The following ABCB7 variants were observed in gnomAD, a reference collection of about 807,000 sequenced individuals.
ABCB7 encodes the protein ATP binding cassette subfamily B member 7, also known as iron-sulfur clusters transporter ABCB7, mitochondrial.
ABCB7 carries 7 observed loss-of-function variants against 54.4 expected under a neutral mutation model. The ratio of observed to expected loss-of-function variants is 0.13; its 90% CI spans 0.07 to 0.24. The LOEUF is 0.24. Among genes scored for constraint, ABCB7 ranks in the 10% least tolerant of loss-of-function variants. The pLI, the probability that ABCB7 is intolerant of heterozygous loss-of-function variation, is 1.00. For synonymous variants in ABCB7, 218 were observed against 207.1 expected (o/e 1.05, Z -0.45); for missense variants, 356 against 570.4 (o/e 0.62, Z 3.83).
rs545675006 is a variant in ABCB7, at chrX:75,141,096, T to C, written c.168+15009A>G. On this transcript the variant is annotated intron_variant, in intron 1 of 15. Transcript: ENST00000373394. ...TGTTGGCATTTTTTAATTTCATTTT[T>C]CTCTAAAAAAGATATCAATTCAGCA... 3.6e-5 allele frequency among the ~76,000 whole-genome samples: 4 copies of C among 111,962 alleles called. No individual in the cohort carries two copies. The Admixed American group carries it at 3.8e-4, about 11-fold the overall frequency.
intron 10 of ABCB7, among the ~76,000 whole-genome samples, chrX:75,069,999 C>T (rs1000188813): frequency 2.1e-4 from 23 of 110,562 alleles, no homozygotes; most frequent in African/African-American, 6.3e-4. Context: ...CTCAGCCTCC[C>T]GAGTAGCTGG....
At chrX:75,128,472 A>T (rs1011743259) in intron 1 of ABCB7, among the ~76,000 whole-genome samples, 1 of 112,177 alleles carries the variant, frequency 8.9e-6, no homozygotes, top group Non-Finnish European at 1.9e-5. Flanking sequence ...AGACTTAAAC[A>T]TAAGACCTAA....
intron 1 of ABCB7, among the ~76,000 whole-genome samples, chrX:75,136,778 C>A (rs1385972332): frequency 8.9e-6 from 1 of 112,182 alleles, no homozygotes; most frequent in African/African-American, 3.2e-5. Context: ...CAGTAACAAG[C>A]AATGGGGAAA....
chrX:75,150,226 T>C (rs747243211), intron 1 of ABCB7, among the ~76,000 whole-genome samples: 1 of 111,452 alleles, frequency 9.0e-6, no homozygotes, highest in African/African-American at 3.3e-5. Context: ...CAAAGAAATG[T>C]TCATCTACCT....
chrX:75,073,858 A>T lies in ABCB7; in HGVS notation c.944+10T>A, dbSNP rs1352591363. The T allele has an allele frequency of 1.7e-6, 2 of 1,203,829 alleles. No homozygotes were observed. The highest frequency in any genetic ancestry group is 2.2e-6 in the Non-Finnish European group (2 of 889,329). On this transcript the variant is annotated intron_variant, in intron 7 of 15. Coordinates refer to ENST00000373394, the MANE Select transcript of ABCB7 (RefSeq NM_001271696.3). ...TCTAAATTTTATGTGGCTTCTAGGG[A>T]ATAAATTACCTCCACCGTGTGACTG...
At chrX:75,130,483 A>G (rs756941776) in intron 1 of ABCB7, among the ~76,000 whole-genome samples, 44 of 112,580 alleles carry the variant, frequency 3.9e-4, no homozygotes, top group African/African-American at 1.3e-3. Flanking sequence ...CCATTCCCCA[A>G]TGGGGATGGC....
rs141342562 is a variant in ABCB7 at position 75,150,324 on chromosome X, A to G, written c.168+5781T>C. Among the ~76,000 whole-genome samples the G allele has an allele frequency of 3.1e-3, 347 of 111,887 alleles. 1 individual carries two copies. Among genetic ancestry groups the G allele is most frequent in the African/African-American group, 0.01 (319 of 30,835 alleles). On this transcript the variant is annotated intron_variant, in intron 1 of 15. Transcript: ENST00000373394. ...TAGTGGCAAATCCTACAAGGGAGTC[A>G]AGAGAGCACAGATGAGGACTTCAGG...
chrX:75,099,562 A>G (rs1178417978), intron 3 of ABCB7, among the ~76,000 whole-genome samples: 1 of 111,419 alleles, frequency 9.0e-6, no homozygotes, highest in Non-Finnish European at 1.9e-5. Context: ...TATCAAACAA[A>G]GTTGAGTTAC....
chrX:75,119,044 T>C (rs1247102999), intron 1 of ABCB7, among the ~76,000 whole-genome samples: 2 of 112,486 alleles, frequency 1.8e-5, no homozygotes, highest in Admixed American at 1.9e-4. Context: ...GTTGTGTGTA[T>C]GATGCTTATA....
chrX:75,078,710 T>G (rs2081431661), intron 4 of ABCB7, among the ~76,000 whole-genome samples: 1 of 111,924 alleles, frequency 8.9e-6, no homozygotes, highest in Non-Finnish European at 1.9e-5. Context: ...GCAGCAGAGC[T>G]GAGATTAAAA....
chrX:75,127,086 C>T (rs1001765673), intron 1 of ABCB7, among the ~76,000 whole-genome samples: 14 of 111,485 alleles, frequency 1.3e-4, no homozygotes, highest in African/African-American at 4.6e-4. Context: ...GATAACAAAA[C>T]CTGGCAGAGA....
rs1287767045 is a variant in ABCB7 at position 75,052,595 on chromosome X, A to G, written c.*775T>C. 2 of 111,203 alleles carry G rather than the reference A, an allele frequency of 1.8e-5. No individual in the cohort carries two copies. The highest frequency in any genetic ancestry group is 6.5e-5 in the African/African-American group (2 of 30,560). 9.2% of individuals were successfully genotyped at this position (111,203 alleles called of 1,213,427 possible). A position where few individuals can be genotyped will look rare whatever the true frequency, so the allele number is the denominator to read the frequency against. On this transcript the variant is annotated 3_prime_UTR_variant, in exon 16 of 16. Transcript: ENST00000373394. ...GGAGTTCAAGACCAGCCTGGCCAAC[A>G]TGGCAAAACCCTGTCTCTACTAAAA...
rs756266541 is a variant in ABCB7 at position 75,071,555 on chromosome X, G to A, written c.1161C>T (p.Val387=). ...CGAGCACCATTATAGCTGTTAAACC[G>A]ACACTGAAAATAGCACTTTGACCAA... The part of the protein sequence containing the change: ...LNFGQSAIFS[V]GLTAIMVLAS... The change falls in exon 9 of 16, where the codon GTC becomes GTT. Residue 387 remains valine, a synonymous_variant. Transcript: ENST00000373394. The A allele has an allele frequency of 5.0e-6, 6 of 1,209,220 alleles. No individual in the cohort carries two copies. The highest frequency in any genetic ancestry group is 2.2e-5 in the Admixed American group (1 of 45,606).
At chrX:75,139,817 A>G (rs1261250466) in intron 1 of ABCB7, among the ~76,000 whole-genome samples, 1 of 112,025 alleles carries the variant, frequency 8.9e-6, no homozygotes, top group African/African-American at 3.2e-5. Context: ...TTTAATCTGT[A>G]AGTGTATAAT....
At chrX:75,114,991 C>A (rs898278991) in intron 1 of ABCB7, among the ~76,000 whole-genome samples, 160 bp from the exon 2 acceptor site, 2 of 110,940 alleles carry the variant, frequency 1.8e-5, no homozygotes, top group South Asian at 7.5e-4. Flanking sequence ...AAAAATAGGC[C>A]GGGCCTGGTG....
At chrX:75,093,134 T>C (rs982347580) in intron 4 of ABCB7, among the ~76,000 whole-genome samples, 4 of 112,162 alleles carry the variant, frequency 3.6e-5, no homozygotes, top group African/African-American at 1.3e-4. Context: ...GCAGCTTTAT[T>C]AATGACGGCC....
Position 75,069,227 on chromosome X carries a change from GAAAT to G in ABCB7, c.1529+60_1529+63del, listed in dbSNP as rs773062121. On this transcript the variant is annotated intron_variant, in intron 11 of 15. Transcript: ENST00000373394. ...CACAGTAATCATTTTGATAAAGAAAGAAATATTACATTGGGAATCATCAGCCTAT... is the reference window on the plus strand; with the variant it reads ...CACAGTAATCATTTTGATAAAGAAAGATTACATTGGGAATCATCAGCCTAT... The G allele has an allele frequency of 1.0e-5, 12 of 1,198,222 alleles. No individual in the cohort carries two copies. The African/African-American group carries it at 1.9e-4, about 19-fold the overall frequency.
At chrX:75,127,763 A>G (rs1003510597) in intron 1 of ABCB7, among the ~76,000 whole-genome samples, 6 of 112,206 alleles carry the variant, frequency 5.3e-5, no homozygotes, top group African/African-American at 1.9e-4. Flanking sequence ...CTGTGCAATC[A>G]TTCAATGTGC....
intron 9 of ABCB7, among the ~76,000 whole-genome samples, chrX:75,071,165 C>T (rs1394718387): frequency 2.7e-5 from 3 of 109,903 alleles, no homozygotes; most frequent in African/African-American, 1.0e-4. Context: ...AAAAAGAGTG[C>T]AGTTTAGTGC....
Sources: gnomAD v4.1 joint callset for allele counts (sites outside exome capture counted in the v4.1 genomes callset) on GRCh38, gnomAD v4.1.1 for gene constraint, MANE v1.5 for transcripts, NCBI Gene and HGNC (gene_info 2026-07-23, HGNC 2026-07-21) for gene names.